ANKRD6: variants seen among roughly 807,000 people sequenced by gnomAD.
ANKRD6 encodes the protein ankyrin repeat domain 6.
In ANKRD6, 56 loss-of-function variants were observed where a neutral mutation model predicts 82.3. The observed-to-expected ratio is 0.68, with a 90% confidence interval of 0.55 to 0.85. The LOEUF is 0.85. ANKRD6 is among the 40% of genes least tolerant of loss of function. ANKRD6 has a pLI of 0.00. For missense variants in ANKRD6, 852 were observed against 907.6 expected (o/e 0.94, Z 0.79); for synonymous variants, 347 against 352.1 (o/e 0.99, Z 0.16).
intron 5 of ANKRD6, among the ~76,000 whole-genome samples, chr6:89,609,596 C>T (rs1166870493): frequency 5.3e-5 from 8 of 151,942 alleles, no homozygotes; most frequent in South Asian, 2.1e-4. Context: ...GCCACCGAAC[C>T]CGGCCTGTAA....
chr6:89,622,694 C>T (rs867946301), intron 10 of ANKRD6, among the ~76,000 whole-genome samples: 26 of 152,322 alleles, frequency 1.7e-4, no homozygotes, highest in Middle Eastern at 3.4e-3. Context: ...CCCACACCTC[C>T]ACCTCAGCTA....
intron 1 of ANKRD6, among the ~76,000 whole-genome samples, chr6:89,506,399 C>T (rs1252461731): frequency 6.6e-6 from 1 of 152,180 alleles, no homozygotes; most frequent in Non-Finnish European, 1.5e-5. Context: ...ACTGCAACCT[C>T]CACCTCCCGG....
intron 1 of ANKRD6, among the ~76,000 whole-genome samples, chr6:89,500,890 G>A (rs903562512): frequency 4.6e-5 from 7 of 151,886 alleles, no homozygotes; most frequent in African/African-American, 1.7e-4. Flanking sequence ...TTCAGGCCAA[G>A]GCAATGGGTT....
intron 1 of ANKRD6, among the ~76,000 whole-genome samples, chr6:89,533,036 G>A (rs1783375365): frequency 6.6e-6 from 1 of 152,000 alleles, no homozygotes; most frequent in South Asian, 2.1e-4. Context: ...GCCATATTTG[G>A]CTAATTTTTT....
chr6:89,587,403 C>T (rs140286544), intron 2 of ANKRD6, among the ~76,000 whole-genome samples: 16 of 151,948 alleles, frequency 1.1e-4, no homozygotes, highest in South Asian at 2.1e-4. Context: ...GCAGGAGAAT[C>T]GCTTGAACCC....
intron 1 of ANKRD6, among the ~76,000 whole-genome samples, chr6:89,566,517 G>A (rs1001547277): frequency 6.6e-6 from 1 of 152,202 alleles, no homozygotes; most frequent in Non-Finnish European, 1.5e-5. Context: ...AAACCAGGTG[G>A]TGCTTAGGGG....
At chr6:89,437,062 A>G (rs950390562) in intron 1 of ANKRD6, among the ~76,000 whole-genome samples, 9 of 152,224 alleles carry the variant, frequency 5.9e-5, no homozygotes, top group South Asian at 4.1e-4. Flanking sequence ...AAAATTATGT[A>G]TAAGTATTTA....
At chr6:89,586,492 G>C (rs1793712580) in intron 2 of ANKRD6, among the ~76,000 whole-genome samples, 2 of 152,104 alleles carry the variant, frequency 1.3e-5, no homozygotes, top group African/African-American at 4.8e-5. Context: ...TTCGAGACCA[G>C]CCTGGCCAAC....
chr6:89,506,131 C>T (rs978725151), intron 1 of ANKRD6, among the ~76,000 whole-genome samples: 8 of 152,012 alleles, frequency 5.3e-5, no homozygotes, highest in African/African-American at 1.9e-4. Context: ...TTCTGGAGAT[C>T]CAATGTGCAG....
intron 5 of ANKRD6, among the ~76,000 whole-genome samples, chr6:89,611,260 AGGGT>A (rs1800180934): frequency 6.6e-6 from 1 of 152,040 alleles, no homozygotes; most frequent in South Asian, 2.1e-4. Flanking sequence ...GAGATCCAGA[AGGGT>A]GTGAACTAGG....
At chr6:89,476,030 A>G (rs543090034) in intron 1 of ANKRD6, among the ~76,000 whole-genome samples, 1 of 152,370 alleles carries the variant, frequency 6.6e-6, no homozygotes, top group African/African-American at 2.4e-5. Context: ...GTACTTTTAC[A>G]TGAAAAGTGT....
chr6:89,530,084 C>T (rs959263834), intron 1 of ANKRD6, among the ~76,000 whole-genome samples: 5 of 151,682 alleles, frequency 3.3e-5, no homozygotes, highest in Non-Finnish European at 7.4e-5. Flanking sequence ...TGAAACCCTG[C>T]CTATACAAAA....
chr6:89,603,875 C>A (rs1468459721), intron 4 of ANKRD6, among the ~76,000 whole-genome samples: 2 of 152,200 alleles, frequency 1.3e-5, no homozygotes, highest in African/African-American at 2.4e-5. Flanking sequence ...GTAGTGTACA[C>A]ACCTGTAGTC....
At chr6:89,570,753 A>C (rs1789669161) in intron 2 of ANKRD6, among the ~76,000 whole-genome samples, 1 of 152,204 alleles carries the variant, frequency 6.6e-6, no homozygotes, top group African/African-American at 2.4e-5. Flanking sequence ...ATAATAATCC[A>C]TTTTATGTAT....
Position 89,453,785 on chromosome 6 carries a change from A to AATAT in ANKRD6, c.-144+20410_-144+20411insATAT, listed in dbSNP as rs1459539432. Among the ~76,000 whole-genome samples the AATAT allele has an allele frequency of 9.3e-5, 10 of 107,474 alleles. No individual in the cohort carries two copies. The East Asian group carries it at 3.5e-3, about 37-fold the overall frequency. The allele number at this position is 107,474 out of a possible 152,430, so 70.5% of individuals were successfully genotyped here. The stretch of plus-strand genomic sequence containing the variant: ...ATTTATTTATTTATTTAATATTTTT[A>AATAT]TTTTATTTTATTTTATTTTATTTTT... On this transcript the variant is annotated intron_variant, in intron 1 of 15. Transcript: ENST00000339746.
chr6:89,627,088 C>G (rs1255525139), intron 13 of ANKRD6, among the ~76,000 whole-genome samples: 1 of 151,300 alleles, frequency 6.6e-6, no homozygotes, highest in Non-Finnish European at 1.5e-5. Context: ...TGTGTATTTA[C>G]TGGATATTCA....
chr6:89,561,688 C>T (rs1400677008), intron 1 of ANKRD6, among the ~76,000 whole-genome samples: 2 of 152,218 alleles, frequency 1.3e-5, no homozygotes, highest in Non-Finnish European at 2.9e-5. Context: ...CTCTCTGTTG[C>T]AGCCTTACTT....
Position 89,530,339 on chromosome 6 carries a change from T to C in ANKRD6, c.-143-36495T>C, listed in dbSNP as rs187028807. Among the ~76,000 whole-genome samples the C allele has an allele frequency of 1.4e-3, 209 of 151,292 alleles. 1 individual carries two copies. The highest frequency in any genetic ancestry group is 4.7e-3 in the African/African-American group (194 of 41,126). ...AGTGAGCACATGTCGTTGGAAAAAA[T>C]GGTGCTGATACGACTTGCTCAAGGT... is the stretch of plus-strand genomic sequence containing the variant. On this transcript the variant is annotated intron_variant, in intron 1 of 15. Coordinates refer to ENST00000339746, the MANE Select transcript of ANKRD6 (RefSeq NM_001242809.2).
chr6:89,568,015 A>G (rs1035943191), intron 2 of ANKRD6: 1 of 152,214 alleles, frequency 6.6e-6, no homozygotes, highest in Non-Finnish European at 1.5e-5. Flanking sequence ...ATGTTTACTT[A>G]TGTGCAGTTT....
Sources: allele counts gnomAD v4.1 joint callset (sites outside exome capture counted in the v4.1 genomes callset), GRCh38; gene constraint gnomAD v4.1.1; transcripts MANE v1.5; gene names NCBI Gene and HGNC (gene_info 2026-07-23, HGNC 2026-07-21).